Variants in ARHGEF4 observed in about 807,000 individuals in gnomAD.
ARHGEF4 encodes APC-stimulated guanine nucleotide exchange factor 1.
A neutral mutation model predicts 162.0 loss-of-function variants in ARHGEF4; 119 were observed. The ratio of observed to expected loss-of-function variants is 0.73; its 90% CI spans 0.63 to 0.86. The LOEUF is 0.86. Ranked by LOEUF, ARHGEF4 falls within the 40% of genes least tolerant of loss-of-function variation. The pLI, the probability that ARHGEF4 is intolerant of heterozygous loss-of-function variation, is 0.00. For missense variants in ARHGEF4, 2,488 were observed against 2,456.0 expected (o/e 1.01, Z -0.28); for synonymous variants, 1,014 against 979.9 (o/e 1.03, Z -0.65).
intron 2 of ARHGEF4, among the ~76,000 whole-genome samples, chr2:130,923,424 CCTT>C (rs1435881009): frequency 9.9e-5 from 15 of 152,198 alleles, no homozygotes; most frequent in African/African-American, 2.4e-4. Context: ...GTTTGTCCGT[CCTT>C]CTGACACAGT....
At chr2:130,968,318 C>A (rs1685133032) in intron 4 of ARHGEF4, among the ~76,000 whole-genome samples, 1 of 152,152 alleles carries the variant, frequency 6.6e-6, no homozygotes, top group South Asian at 2.1e-4. Context: ...TAGGACCCAA[C>A]CTATAATGTG....
At chr2:130,907,540 G>A (rs1680903584) in intron 1 of ARHGEF4, among the ~76,000 whole-genome samples, 1 of 151,954 alleles carries the variant, frequency 6.6e-6, no homozygotes, top group Non-Finnish European at 1.5e-5. Context: ...TTATTGCTGA[G>A]TTGTATTATT....
intron 10 of ARHGEF4, 104 bp from the exon 11 acceptor site, chr2:131,043,348 A>C (rs1690968534): frequency 1.3e-6 from 2 of 1,503,440 alleles, no homozygotes; most frequent in South Asian, 2.4e-5. Context: ...TGGGCGCTGC[A>C]GGCAAGGCCA....
intron 4 of ARHGEF4, among the ~76,000 whole-genome samples, chr2:130,999,742 G>T (rs377389309): frequency 6.6e-6 from 1 of 151,962 alleles, no homozygotes; most frequent in East Asian, 1.9e-4. Flanking sequence ...TGCTCTTGTC[G>T]CCCAGGCTGG....
intron 5 of ARHGEF4, chr2:131,035,700 T>A: frequency 1.0e-6 from 1 of 985,652 alleles, no homozygotes; most frequent in Non-Finnish European, 1.2e-6. Context: ...TTTTCCCGTT[T>A]TAGGCCTTAA....
intron 1 of ARHGEF4, among the ~76,000 whole-genome samples, chr2:130,846,289 C>T (rs1680959138): frequency 6.6e-6 from 1 of 152,196 alleles, no homozygotes; most frequent in South Asian, 2.1e-4. Flanking sequence ...TGGGAACTGT[C>T]AGCCTGGGGT....
chr2:131,038,997 G>C lies in ARHGEF4; in HGVS notation c.4270G>C (p.Asp1424His). 1.2e-6 allele frequency: 2 copies of C among 1,613,380 alleles called. No individual in the cohort carries two copies. Among genetic ancestry groups the C allele is most frequent in the Non-Finnish European group, 1.7e-6 (2 of 1,179,856 alleles). Reference protein sequence around the residue: ...NREWWWGRVADGEGWFPASFV... With the variant: ...NREWWWGRVAHGEGWFPASFV... ...AGAGTGGTGGTGGGGCCGGGTCGCC[G>C]ATGGCGAGGGCTGGTTTCCAGCCAG... Residue 1424 changes from aspartate to histidine, a missense_variant, in exon 6 of 14, where the codon GAT becomes CAT. This residue lies in a region of ARHGEF4 where 174 missense variants were observed against 148.3 expected (regional missense o/e 1.17). Coordinates refer to ENST00000409359, the MANE Select transcript of ARHGEF4 (RefSeq NM_001367493.1).
chr2:130,842,543 G>C (rs545111508), intron 1 of ARHGEF4, among the ~76,000 whole-genome samples: 13 of 152,300 alleles, frequency 8.5e-5, no homozygotes, highest in Admixed American at 2.0e-4. Context: ...GGCAGTCCTT[G>C]GATTCTTCAT....
chr2:130,899,504 ATG>A (rs1680364028), intron 1 of ARHGEF4, among the ~76,000 whole-genome samples: 1 of 152,190 alleles, frequency 6.6e-6, no homozygotes, highest in Non-Finnish European at 1.5e-5. Context: ...GAGGGACAGC[ATG>A]TGTGTCTGCT....
chr2:130,946,438 CT>C lies in ARHGEF4; in HGVS notation c.3859-70del, dbSNP rs1683623021. The C allele has an allele frequency of 2.1e-5, 33 of 1,536,068 alleles. No homozygotes were observed. In the South Asian group the frequency reaches 3.9e-4, roughly 18 times the overall value. ...GAAAAGTCCTCAGCAATTAGAAAGA[CT>C]GCAGGGTGGCAATGACAGCCTGTCA... On this transcript the variant is annotated intron_variant, in intron 3 of 13. Transcript: ENST00000409359.
At chr2:130,961,961 C>T (rs779535917) in intron 4 of ARHGEF4, among the ~76,000 whole-genome samples, 27 of 152,154 alleles carry the variant, frequency 1.8e-4, no homozygotes, top group Non-Finnish European at 3.1e-4. Flanking sequence ...TGGAAGCAGG[C>T]CGGGCGCGGT....
At chr2:131,008,881 A>G (rs1049830596) in intron 4 of ARHGEF4, among the ~76,000 whole-genome samples, 1 of 152,208 alleles carries the variant, frequency 6.6e-6, no homozygotes, top group Admixed American at 6.5e-5. Context: ...TACATGTACT[A>G]TAAGCCCCAC....
At position 130,954,713 on chromosome 2, in the gene ARHGEF4, C is replaced by T. The variant is rs962782223; in HGVS notation, c.3985+8078C>T. 2.0e-5 allele frequency among the ~76,000 whole-genome samples: 3 copies of T among 152,138 alleles called. No homozygotes were observed. In the East Asian group the frequency reaches 5.8e-4, roughly 29 times the overall value. ...TGCTGCTATTCTCTTTTAGGATATT[C>T]CCCCTTGTCTTTTACTTTCAGCATT... On this transcript the variant is annotated intron_variant, in intron 4 of 13. Coordinates refer to ENST00000409359, the MANE Select transcript of ARHGEF4 (RefSeq NM_001367493.1).
At chr2:131,032,625 C>T (rs544248644) in intron 5 of ARHGEF4, among the ~76,000 whole-genome samples, 4 of 151,912 alleles carry the variant, frequency 2.6e-5, no homozygotes, top group Admixed American at 2.6e-4. Flanking sequence ...TGGTGGCCAG[C>T]CCCTCCAAAG....
At chr2:130,880,571 G>A (rs182116292) in intron 1 of ARHGEF4, among the ~76,000 whole-genome samples, 32 of 152,290 alleles carry the variant, frequency 2.1e-4, no homozygotes, top group Admixed American at 1.1e-3. Flanking sequence ...GCTTCGGTCC[G>A]TCACAGAGGC....
intron 4 of ARHGEF4, among the ~76,000 whole-genome samples, chr2:130,961,598 G>A (rs1684623923): frequency 6.6e-6 from 1 of 152,210 alleles, no homozygotes; most frequent in Non-Finnish European, 1.5e-5. Flanking sequence ...AATGATGCAG[G>A]AAACGAGCAA....
intron 2 of ARHGEF4, among the ~76,000 whole-genome samples, chr2:130,925,035 A>AGT (rs55986926): frequency 0.02 from 2,701 of 137,900 alleles, 24 homozygotes; most frequent in African/African-American, 0.035. Flanking sequence ...AGGAGTTCTA[A>AGT]GTGTGTGTGT....
Position 131,043,472 on chromosome 2 carries a change from G to A in ARHGEF4, c.5046G>A (p.Arg1682=). The part of the protein sequence containing the change: ...EDWEGEDLLV[R]SSELIYSGEL... ...CCCAGGGAGAAGATCTCTTGGTCAG[G>A]AGCTCAGAACTCATCTACTCGGGGG... Residue 1682 remains arginine, a synonymous_variant, in exon 11 of 14, where the codon AGG becomes AGA. Transcript: ENST00000409359. 6.2e-7 allele frequency: 1 copy of A among 1,614,008 alleles called. No homozygotes were observed. The highest frequency in any genetic ancestry group is 8.5e-7 in the Non-Finnish European group (1 of 1,180,018).
chr2:130,927,565 A>G (rs1340177818), intron 2 of ARHGEF4, among the ~76,000 whole-genome samples: 1 of 152,174 alleles, frequency 6.6e-6, no homozygotes, highest in African/African-American at 2.4e-5. Context: ...CATTTGTCTA[A>G]AAGTTTTCTG....
Sources: gnomAD v4.1 joint callset for allele counts (sites outside exome capture counted in the v4.1 genomes callset) on GRCh38, gnomAD v4.1.1 for gene constraint, gnomAD v4.1.1 regional missense constraint, MANE v1.5 for transcripts, NCBI Gene and HGNC (gene_info 2026-07-23, HGNC 2026-07-21) for gene names.